MDGA2: variants seen among roughly 807,000 people sequenced by gnomAD.
MDGA2 encodes the protein MAM domain containing glycosylphosphatidylinositol anchor 2.
A neutral mutation model predicts 117.8 loss-of-function variants in MDGA2; 40 were observed. The observed-to-expected ratio is 0.34, with a 90% CI of 0.26 to 0.44. MDGA2 has a LOEUF of 0.44. Ranked by LOEUF, MDGA2 falls within the 20% of genes least tolerant of loss-of-function variation. The pLI, the probability that MDGA2 is intolerant of heterozygous loss-of-function variation, is 1.00. For missense variants in MDGA2, 1,123 were observed against 1,250.6 expected (o/e 0.90, Z 1.54); for synonymous variants, 452 against 439.0 (o/e 1.03, Z -0.37).
In MDGA2 at chr14:47,359,316, T is replaced by TG. The variant is rs542291171; in HGVS notation, c.281-57767dup. On this transcript the variant is annotated intron_variant, in intron 1 of 16. Transcript: ENST00000399232. ...CTGCAGTGAACTGAGATCACACCAC[T>TG]GCACTCCAACCTGGTGACATAGCGA... is the stretch of plus-strand genomic sequence containing the variant. Among the ~76,000 whole-genome samples the TG allele has an allele frequency of 3.0e-4, 45 of 152,094 alleles. No homozygotes were observed. The South Asian group carries it at 6.4e-3, about 22-fold the overall frequency.
rs117316440 is a variant in MDGA2, at chr14:46,958,624, A to G, written c.1820-981T>C. On this transcript the variant is annotated intron_variant, in intron 8 of 16. Transcript: ENST00000399232. ...AATGATGCCTTAGGCAATGAAGTGG[A>G]TAACAGTGTCAGTCATGAAGACAGT... 4.3e-3 allele frequency among the ~76,000 whole-genome samples: 656 copies of G among 152,364 alleles called. 3 individuals carry two copies. The highest frequency in any genetic ancestry group is 5.9e-3 in the Non-Finnish European group (401 of 68,034).
At chr14:47,460,232 C>CT (rs1233257718) in intron 1 of MDGA2, among the ~76,000 whole-genome samples, 46 of 152,108 alleles carry the variant, frequency 3.0e-4, no homozygotes, top group Middle Eastern at 3.4e-3. Context: ...GCATTACAAA[C>CT]TTTGATTCTT....
chr14:46,856,903 CTAAT>C (rs1173634485), intron 14 of MDGA2, among the ~76,000 whole-genome samples: 3 of 152,094 alleles, frequency 2.0e-5, no homozygotes, highest in Non-Finnish European at 2.9e-5. Context: ...TTCTCAGAGT[CTAAT>C]TAGAGTCAAT....
intron 2 of MDGA2, among the ~76,000 whole-genome samples, chr14:47,246,607 G>A (rs1301026519): frequency 2.0e-5 from 3 of 151,652 alleles, no homozygotes; most frequent in Non-Finnish European, 4.4e-5. Context: ...CTTACTAACT[G>A]CCTTGGAAAG....
rs375678831 is a variant in MDGA2, at chr14:47,027,781, C to T, written c.1819+7230G>A. Reference sequence around the variant, plus strand: ...ATGAAAATATAGAGAGCAAGGAAAACGCCCAGAATGTCAGGAGCAGTTCAA... The same window carrying T: ...ATGAAAATATAGAGAGCAAGGAAAATGCCCAGAATGTCAGGAGCAGTTCAA... On this transcript the variant is annotated intron_variant, in intron 8 of 16. Transcript: ENST00000399232. 5.9e-5 allele frequency among the ~76,000 whole-genome samples: 9 copies of T among 151,946 alleles called. No individual in the cohort carries two copies. The East Asian group carries it at 1.5e-3, about 26-fold the overall frequency.
At chr14:47,156,971 T>C (rs1883414001) in intron 3 of MDGA2, among the ~76,000 whole-genome samples, 1 of 152,192 alleles carries the variant, frequency 6.6e-6, no homozygotes, top group African/African-American at 2.4e-5. Flanking sequence ...TGTCTGTCAA[T>C]GACCACAACC....
At chr14:47,441,732 C>T (rs10132906) in intron 1 of MDGA2, among the ~76,000 whole-genome samples, 152,100 of 152,244 alleles carry the variant, frequency 1, 75,978 homozygotes, top group Non-Finnish European at 1. Flanking sequence ...AGATAAACTA[C>T]AGAAGTTAAA....
chr14:46,870,060 T>C (rs1881935926), intron 14 of MDGA2, among the ~76,000 whole-genome samples: 1 of 151,968 alleles, frequency 6.6e-6, no homozygotes, highest in East Asian at 1.9e-4. Flanking sequence ...TGAGCTATAC[T>C]TGTATTGACC....
chr14:47,368,702 A>G (rs1891282345), intron 1 of MDGA2, among the ~76,000 whole-genome samples: 6 of 152,192 alleles, frequency 3.9e-5, no homozygotes, highest in Admixed American at 3.9e-4. Context: ...ATCACATTTT[A>G]TATTTATTCA....
rs532426306 is a variant in MDGA2, at chr14:47,055,317, C to T, written c.1525+5932G>A. On this transcript the variant is annotated intron_variant, in intron 7 of 16. Coordinates refer to ENST00000399232, the MANE Select transcript of MDGA2 (RefSeq NM_001113498.3). ...AGCACAAATCAGATCATATTGCCTC[C>T]CTGATAAATACTTTGGTCATTCTTG... Among the ~76,000 whole-genome samples the T allele has an allele frequency of 2.3e-3, 349 of 152,092 alleles. 1 individual carries two copies. The highest frequency in any genetic ancestry group is 3.2e-3 in the Non-Finnish European group (215 of 67,992).
At chr14:47,368,616 A>G (rs906562435) in intron 1 of MDGA2, among the ~76,000 whole-genome samples, 1 of 152,196 alleles carries the variant, frequency 6.6e-6, no homozygotes, top group Non-Finnish European at 1.5e-5. Flanking sequence ...TTAGGATGTA[A>G]GATATATAAC....
At position 47,247,489 on chromosome 14, in the gene MDGA2, G is replaced by A. The variant is rs147800406; in HGVS notation, c.421-29294C>T. Among the ~76,000 whole-genome samples, 174 of 151,384 alleles carry A rather than the reference G, an allele frequency of 1.1e-3. 3 individuals carry two copies. In the East Asian group the frequency reaches 0.03, roughly 26 times the overall value. On this transcript the variant is annotated intron_variant, in intron 2 of 16. Coordinates refer to ENST00000399232, the MANE Select transcript of MDGA2 (RefSeq NM_001113498.3). ...CCGCTAATTTTGTAATTTTAGTAGA[G>A]TTGGAGTTTCACCATGTTGGTCAGG... is the stretch of plus-strand genomic sequence containing the variant.
intron 1 of MDGA2, among the ~76,000 whole-genome samples, chr14:47,661,112 T>A (rs1308905306): frequency 2.0e-5 from 3 of 152,182 alleles, no homozygotes; most frequent in African/African-American, 7.2e-5. Context: ...TAGCACAATG[T>A]AAGCTACCTA....
At chr14:47,157,167 T>C (rs1317880316) in intron 3 of MDGA2, among the ~76,000 whole-genome samples, 1 of 152,190 alleles carries the variant, frequency 6.6e-6, no homozygotes, top group Non-Finnish European at 1.5e-5. Flanking sequence ...AAATGTTTCA[T>C]ATCTTTCCTA....
Position 46,996,800 on chromosome 14 carries a change from A to G in MDGA2, c.1819+38211T>C, listed in dbSNP as rs372515225. 4.0e-4 allele frequency: 72 copies of G among 178,214 alleles called. 2 individuals are homozygous for G. Among genetic ancestry groups the G allele is most frequent in the African/African-American group, 1.6e-3 (67 of 42,234 alleles). 11.0% of individuals were successfully genotyped at this position (178,214 alleles called of 1,614,324 possible). A position where few individuals can be genotyped will look rare whatever the true frequency, so the allele number is the denominator to read the frequency against. ...GGCCATCTGAGATCTTTTCAGAACA[A>G]AAAGAGCCTAGTAGCTTTTAACATC... On this transcript the variant is annotated intron_variant, in intron 8 of 16. Transcript: ENST00000399232.
At chr14:47,570,366 A>G (rs1895996878) in intron 1 of MDGA2, among the ~76,000 whole-genome samples, 1 of 152,170 alleles carries the variant, frequency 6.6e-6, no homozygotes, top group Admixed American at 6.5e-5. Context: ...ATCATATTCA[A>G]ATAAGCACAG....
chr14:47,170,486 A>T (rs1209492513), intron 3 of MDGA2, among the ~76,000 whole-genome samples: 1 of 152,138 alleles, frequency 6.6e-6, no homozygotes, highest in Non-Finnish European at 1.5e-5. Flanking sequence ...TATAGGTGAG[A>T]AACTACTCAC....
At chr14:47,106,232 G>C (rs972852409) in intron 5 of MDGA2, among the ~76,000 whole-genome samples, 26 of 151,924 alleles carry the variant, frequency 1.7e-4, no homozygotes, top group Non-Finnish European at 1.5e-5. Flanking sequence ...ATCTGCTCCC[G>C]ACATTAAATA....
At chr14:47,486,724 G>GT in intron 1 of MDGA2, among the ~76,000 whole-genome samples, 1 of 152,156 alleles carries the variant, frequency 6.6e-6, no homozygotes, top group South Asian at 2.1e-4. Context: ...AGATCTAATG[G>GT]TTTTAAAAAT....
Sources: allele counts gnomAD v4.1 joint callset (sites outside exome capture counted in the v4.1 genomes callset), GRCh38; gene constraint gnomAD v4.1.1; transcripts MANE v1.5; gene names NCBI Gene and HGNC (gene_info 2026-07-23, HGNC 2026-07-21).